Variants in UBE4B observed in about 807,000 individuals in gnomAD.
The protein encoded by UBE4B is ubiquitination factor E4B, also known as ubiquitin conjugation factor E4 B.
A neutral mutation model predicts 148.1 loss-of-function variants in UBE4B; 27 were observed. The observed-to-expected ratio is 0.18, with a 90% CI of 0.13 to 0.25. The LOEUF is 0.25. Among genes scored for constraint, UBE4B ranks in the 10% least tolerant of loss-of-function variants. The pLI is 1.00. For synonymous variants in UBE4B, 596 were observed against 619.3 expected (o/e 0.96, Z 0.56); for missense variants, 1,170 against 1,662.4 (o/e 0.70, Z 5.15).
In UBE4B at chr1:10,060,736, T is replaced by A. The variant is rs553948726; in HGVS notation, c.25-11292T>A. Among the ~76,000 whole-genome samples the A allele has an allele frequency of 4.6e-5, 7 of 152,218 alleles. No individual in the cohort carries two copies. In the East Asian group the frequency reaches 1.3e-3, roughly 29 times the overall value. On this transcript the variant is annotated intron_variant, in intron 1 of 27. Coordinates refer to ENST00000343090, the MANE Select transcript of UBE4B (RefSeq NM_001105562.3). Reference sequence around the variant, plus strand: ...GTTCATTTTGCTGTGTATTTTAGAATCCCTAGTGAGCTAGTGAGATTCTGG... The same window carrying A: ...GTTCATTTTGCTGTGTATTTTAGAAACCCTAGTGAGCTAGTGAGATTCTGG...
intron 11 of UBE4B, 28 bp from the exon 12 acceptor site, chr1:10,129,364 A>G: frequency 6.3e-7 from 1 of 1,597,620 alleles, no homozygotes; most frequent in Non-Finnish European, 8.6e-7. Flanking sequence ...GATGAAATGC[A>G]TTTAAATGAC....
Position 10,078,084 on chromosome 1 carries a change from A to G in UBE4B, c.211+5870A>G, listed in dbSNP as rs146586953. ...GAATGCAGTGGCACGATCTTGGCTC[A>G]CTGCAACCTCCGTCACCCGGGTTCA... On this transcript the variant is annotated intron_variant, in intron 2 of 27. Transcript: ENST00000343090. Among the ~76,000 whole-genome samples the G allele has an allele frequency of 5.9e-5, 9 of 151,596 alleles. 1 individual carries two copies. The East Asian group carries it at 9.7e-4, about 16-fold the overall frequency.
In UBE4B at chr1:10,161,725, G is replaced by A. The variant is rs1459076814; in HGVS notation, c.3198+439G>A. 1.3e-5 allele frequency among the ~76,000 whole-genome samples: 2 copies of A among 152,090 alleles called. No individual in the cohort carries two copies. Among genetic ancestry groups the A allele is most frequent in the African/African-American group, 4.8e-5 (2 of 41,390 alleles). On this transcript the variant is annotated intron_variant, in intron 23 of 27. Coordinates refer to ENST00000343090, the MANE Select transcript of UBE4B (RefSeq NM_001105562.3). The surrounding 1 kb of genome is among the most constrained non-coding windows in gnomAD (Gnocchi z 4.1). ...TTTTTTCCCTTTCAGTTGATCTTGG[G>A]TTTTATATTCAGTTATTAATAGAAA...
At chr1:10,093,147 C>T (rs1382404308) in intron 2 of UBE4B, among the ~76,000 whole-genome samples, 1 of 152,038 alleles carries the variant, frequency 6.6e-6, no homozygotes, top group Non-Finnish European at 1.5e-5. Flanking sequence ...AATTTTATAA[C>T]TTGTTTTGTA....
chr1:10,101,294 G>A, intron 4 of UBE4B, 99 bp downstream of exon 4: 1 of 1,093,048 alleles, frequency 9.1e-7, no homozygotes, highest in Non-Finnish European at 1.4e-6. Context: ...CCCGAAATCA[G>A]GAAGTCCTAG....
At chr1:10,122,766 T>C (rs1054567833) in intron 10 of UBE4B, among the ~76,000 whole-genome samples, 3 of 152,236 alleles carry the variant, frequency 2.0e-5, no homozygotes, top group Non-Finnish European at 2.9e-5. Flanking sequence ...TTTTCCCTGA[T>C]GAAAGGGCTT....
intron 25 of UBE4B, among the ~76,000 whole-genome samples, chr1:10,175,385 C>G (rs1052356250): frequency 6.6e-6 from 1 of 152,176 alleles, no homozygotes; most frequent in Non-Finnish European, 1.5e-5. Flanking sequence ...GGTGCAGTGG[C>G]TCACGCCTGT....
At position 10,115,161 on chromosome 1, in the gene UBE4B, A is replaced by G. The variant is rs370063602; in HGVS notation, c.1197-2298A>G. Among the ~76,000 whole-genome samples, 108 of 142,446 alleles carry G rather than the reference A, an allele frequency of 7.6e-4. 1 individual carries two copies. Among genetic ancestry groups the G allele is most frequent in the African/African-American group, 2.8e-3 (106 of 38,398 alleles). 93.5% of individuals were successfully genotyped at this position (142,446 alleles called of 152,430 possible). A position where few individuals can be genotyped will look rare whatever the true frequency, so the allele number is the denominator to read the frequency against. ...CTTCTTACTGAAATACTTTAATACC[A>G]TACTTTTTTTTTTTTTTTTTTTAAT... On this transcript the variant is annotated intron_variant, in intron 7 of 27. Coordinates refer to ENST00000343090, the MANE Select transcript of UBE4B (RefSeq NM_001105562.3).
At chr1:10,132,321 G>A in intron 14 of UBE4B, 48 bp from the exon 15 acceptor site, 2 of 1,488,998 alleles carry the variant, frequency 1.3e-6, no homozygotes, top group South Asian at 1.2e-5. Context: ...AAGGAATCAT[G>A]TGCAAAATAG....
intron 21 of UBE4B, among the ~76,000 whole-genome samples, chr1:10,153,490 T>TAAAAA (rs1045427991): frequency 1.8e-4 from 9 of 49,212 alleles, no homozygotes; most frequent in Admixed American, 1.1e-3. Context: ...ACCCTGTTTC[T>TAAAAA]AAAAAAAAAA....
chr1:10,064,896 T>C (rs1160406252), intron 1 of UBE4B, among the ~76,000 whole-genome samples: 1 of 152,062 alleles, frequency 6.6e-6, no homozygotes, highest in African/African-American at 2.4e-5. Flanking sequence ...CCTGAGTAGC[T>C]GGGGTTACAG....
At chr1:10,127,350 A>G (rs182341369) in intron 11 of UBE4B, among the ~76,000 whole-genome samples, 44 of 152,334 alleles carry the variant, frequency 2.9e-4, no homozygotes, top group Admixed American at 1.7e-3. Context: ...TCCTAAGGTC[A>G]TATTTACTTG....
At chr1:10,121,405 TTTTATTTA>T (rs1048432809) in intron 9 of UBE4B, among the ~76,000 whole-genome samples, 4 of 152,008 alleles carry the variant, frequency 2.6e-5, no homozygotes, top group African/African-American at 9.7e-5. Context: ...TCTTTTTTAT[TTTTATTTA>T]TTTATTTATT....
intron 1 of UBE4B, among the ~76,000 whole-genome samples, chr1:10,043,421 C>CTTTTTTT (rs35513799): frequency 9.9e-5 from 11 of 110,858 alleles, no homozygotes; most frequent in Admixed American, 3.4e-4. Context: ...TGAGATGCTG[C>CTTTTTTT]TTTTTTTTTT....
chr1:10,038,867 C>A (rs1399562590), intron 1 of UBE4B, among the ~76,000 whole-genome samples: 1 of 152,032 alleles, frequency 6.6e-6, no homozygotes, highest in African/African-American at 2.4e-5. Flanking sequence ...GAGGTCGAGG[C>A]AGGCGGATCA....
chr1:10,063,279 A>G (rs1294255984), intron 1 of UBE4B, among the ~76,000 whole-genome samples: 2 of 152,220 alleles, frequency 1.3e-5, no homozygotes, highest in South Asian at 2.1e-4. Flanking sequence ...CAAAAAAACA[A>G]AAACAAAACA....
At chr1:10,146,456 T>G (rs1364368333) in intron 18 of UBE4B, among the ~76,000 whole-genome samples, 1 of 151,988 alleles carries the variant, frequency 6.6e-6, no homozygotes, top group Admixed American at 6.6e-5. Context: ...TGTCTCAAAA[T>G]AAATAAATAA....
chr1:10,086,522 AAG>A (rs1263909967), intron 2 of UBE4B, among the ~76,000 whole-genome samples: 2 of 152,198 alleles, frequency 1.3e-5, no homozygotes, highest in Non-Finnish European at 2.9e-5. Context: ...TTTTAGCTAC[AAG>A]AGTTAGGTGG....
At chr1:10,094,545 T>C (rs1358814549) in intron 2 of UBE4B, among the ~76,000 whole-genome samples, 1 of 151,902 alleles carries the variant, frequency 6.6e-6, no homozygotes, top group Non-Finnish European at 1.5e-5. Context: ...GCAATTCTCC[T>C]GCCTCAGCCT....
Sources: allele counts gnomAD v4.1 joint callset (sites outside exome capture counted in the v4.1 genomes callset), GRCh38; gene constraint gnomAD v4.1.1; non-coding constraint Gnocchi (gnomAD v3.1); transcripts MANE v1.5; gene names NCBI Gene and HGNC (gene_info 2026-07-23, HGNC 2026-07-21).